Variants in RYR3 observed in about 807,000 individuals in gnomAD.
RYR3 encodes the protein brain ryanodine receptor-calcium release channel.
In RYR3, 207 loss-of-function variants were observed where a neutral mutation model predicts 584.3. That is an observed-to-expected ratio of 0.35 (90% CI 0.32 to 0.40). RYR3 has a LOEUF of 0.40. RYR3 is among the 10% of genes least tolerant of loss of function. The pLI, the probability that RYR3 is intolerant of heterozygous loss-of-function variation, is 1.00. For synonymous variants in RYR3, 2,416 were observed against 2,248.5 expected, an observed-to-expected ratio of 1.07 and a Z score of -2.11; for missense variants, 5,616 against 6,089.2, an observed-to-expected ratio of 0.92 and a Z score of 2.59.
At position 33,811,000 on chromosome 15, in the gene RYR3, G is replaced by C. The variant is rs1348932026; in HGVS notation, c.10220G>C (p.Arg3407Thr). 6.2e-7 allele frequency: 1 copy of C among 1,609,066 alleles called. No individual in the cohort carries two copies. Among genetic ancestry groups the C allele is most frequent in the Non-Finnish European group, 8.5e-7 (1 of 1,177,988 alleles). The change falls in exon 72 of 104, where the codon AGA (arginine) becomes ACA (threonine). Residue 3407 changes from arginine (R) to threonine (T), a missense_variant. Arg to Thr is a moderately conservative substitution (Grantham distance 71). This residue lies in a region of RYR3 where 954 missense variants were observed against 1,132.2 expected (regional missense o/e 0.84). Transcript: ENST00000634891. ...YSHRDTDEEV[R>T]EHLRNNLHLQ... The stretch of plus-strand genomic sequence containing the variant: ...CAGAGGGACACAGATGAAGAGGTCA[G>C]AGAACATCTGCGGAACAACTTGCAC...
At chr15:33,865,059 GAA>G in intron 103 of RYR3, 70 bp from the exon 104 acceptor site, 1 of 1,208,324 alleles carries the variant, frequency 8.3e-7, no homozygotes, top group Non-Finnish European at 1.2e-6. Context: ...GAGCCACAAA[GAA>G]CAAAAACAAA....
In RYR3 at chr15:33,855,013, G is replaced by T. The variant is rs183705714; in HGVS notation, c.14007+101G>T. 1.7e-3 allele frequency: 2,087 copies of T among 1,200,116 alleles called. 8 individuals are homozygous for T. The highest frequency in any genetic ancestry group is 2.1e-3 in the Admixed American group (62 of 28,978). The allele number at this position is 1,200,116 out of a possible 1,614,324, so 74.3% of individuals were successfully genotyped here. Reference sequence around the variant, plus strand: ...TATATGACAGGAAGGAATATGTCTTGGTATATAATGTACTTTTCTTGGCCA... The same window carrying T: ...TATATGACAGGAAGGAATATGTCTTTGTATATAATGTACTTTTCTTGGCCA... On this transcript the variant is annotated intron_variant, in intron 98 of 103. Transcript: ENST00000634891.
Position 33,768,785 on chromosome 15 carries a change from C to T in RYR3, c.8755+78C>T, listed in dbSNP as rs1016570704. The T allele has an allele frequency of 3.6e-6, 5 of 1,382,302 alleles. No individual in the cohort carries two copies. In the African/African-American group the frequency reaches 7.1e-5, roughly 20 times the overall value. The allele number at this position is 1,382,302 out of a possible 1,614,324, so 85.6% of individuals were successfully genotyped here. A position where few individuals can be genotyped will look rare whatever the true frequency, so the allele number is the denominator to read the frequency against. On this transcript the variant is annotated intron_variant, in intron 61 of 103. Coordinates refer to ENST00000634891, the MANE Select transcript of RYR3 (RefSeq NM_001036.6). ...TGCACTTTGCCTTTATTTGTGTCTT[C>T]CTCAGACAACCCGGGCCTTGGGACT...
chr15:33,510,200 T>TTTAGA (rs2052854152), intron 3 of RYR3, among the ~76,000 whole-genome samples: 1 of 152,108 alleles, frequency 6.6e-6, no homozygotes, highest in African/African-American at 2.4e-5. Flanking sequence ...TGTTTGGAGG[T>TTTAGA]TTAGATTTGG....
At chr15:33,695,966 TTTTTTTTTG>T (rs1469850822) in intron 38 of RYR3, among the ~76,000 whole-genome samples, 2 of 112,852 alleles carry the variant, frequency 1.8e-5, no homozygotes. Context: ...TTTTTTTTTT[TTTTTTTTTG>T]GTAGCAACAG....
chr15:33,750,151 TACTG>T lies in RYR3; in HGVS notation c.8276-9_8276-6del. 3 of 1,609,330 alleles carry T rather than the reference TACTG, an allele frequency of 1.9e-6. No individual in the cohort carries two copies. The highest frequency in any genetic ancestry group is 2.5e-6 in the Non-Finnish European group (3 of 1,177,886). On this transcript the variant is annotated splice_region_variant and splice_polypyrimidine_tract_variant and intron_variant, in intron 56 of 103. Coordinates refer to ENST00000634891, the MANE Select transcript of RYR3 (RefSeq NM_001036.6). ...AAGAGCCAAATGTCATCTCTCACCT[TACTG>T]ACCCCAGGTGGTGGCAGCCACCCTC...
chr15:33,336,161 G>A (rs770035858), intron 1 of RYR3, among the ~76,000 whole-genome samples: 1 of 152,066 alleles, frequency 6.6e-6, no homozygotes, highest in African/African-American at 2.4e-5. Flanking sequence ...TCAGCAAAAA[G>A]CACCATGAGC....
chr15:33,796,722 C>G (rs1169977715), intron 67 of RYR3, among the ~76,000 whole-genome samples: 1 of 152,200 alleles, frequency 6.6e-6, no homozygotes, highest in Non-Finnish European at 1.5e-5. Context: ...AATAGACCTA[C>G]TATTCAATCC....
At chr15:33,851,272 G>C (rs999116799) in intron 94 of RYR3, 12 of 152,108 alleles carry the variant, frequency 7.9e-5, no homozygotes, top group African/African-American at 2.9e-4. Context: ...GAAATTTGCT[G>C]AATAGTAGGA....
rs368216297 is a variant in RYR3, at chr15:33,336,539, AGGG to A, written c.51+25444_51+25446del. 1.8e-3 allele frequency among the ~76,000 whole-genome samples: 118 copies of A among 64,980 alleles called. 4 individuals are homozygous for A. Among genetic ancestry groups the A allele is most frequent in the Admixed American group, 2.3e-3 (16 of 6,830 alleles). The allele number at this position is 64,980 out of a possible 152,430, so 42.6% of individuals were successfully genotyped here. ...GAGGGAAGGAGGGAAGGAGGGAAGGAGGGAAGGAGGGAAGGAAGGAAGAAAAAA... is the reference window on the plus strand; with the variant it reads ...GAGGGAAGGAGGGAAGGAGGGAAGGAAAGGAGGGAAGGAAGGAAGAAAAAA... On this transcript the variant is annotated intron_variant, in intron 1 of 103. Coordinates refer to ENST00000634891, the MANE Select transcript of RYR3 (RefSeq NM_001036.6).
intron 43 of RYR3, among the ~76,000 whole-genome samples, chr15:33,718,180 AAT>A (rs2152803160): frequency 6.6e-6 from 1 of 152,148 alleles, no homozygotes; most frequent in South Asian, 2.1e-4. Context: ...CTTGATTGGG[AAT>A]ATGTTTCTTT....
chr15:33,354,954 C>T (rs1236262222), intron 1 of RYR3, among the ~76,000 whole-genome samples: 9 of 152,050 alleles, frequency 5.9e-5, no homozygotes, highest in East Asian at 5.8e-4. Context: ...GAGGCCGAGG[C>T]GGGCAGATCA....
chr15:33,697,937 G>A lies in RYR3; in HGVS notation c.6190G>A (p.Gly2064Ser). The change falls in exon 40 of 104, where the codon GGC becomes AGC. Residue 2064 changes from glycine (G) to serine (S), a missense_variant. Around this residue, in one of 9 missense-constraint regions of RYR3, gnomAD observed 1,280 missense variants for 1,426.2 expected, o/e 0.90. Coordinates refer to ENST00000634891, the MANE Select transcript of RYR3 (RefSeq NM_001036.6). ...YQHPNLMRVL[G>S]MHETVMEVMV... is the part of the protein sequence containing the mutation. Reference sequence around the variant, plus strand: ...GCATCCCAACCTCATGAGAGTCCTGGGCATGCACGAGACGGTGATGGAGGT... The same window carrying A: ...GCATCCCAACCTCATGAGAGTCCTGAGCATGCACGAGACGGTGATGGAGGT... 6.2e-7 allele frequency: 1 copy of A among 1,613,952 alleles called. No homozygotes were observed. The highest frequency in any genetic ancestry group is 8.5e-7 in the Non-Finnish European group (1 of 1,179,852).
At chr15:33,328,937 C>G (rs1234458811) in intron 1 of RYR3, among the ~76,000 whole-genome samples, 1 of 152,014 alleles carries the variant, frequency 6.6e-6, no homozygotes, top group Non-Finnish European at 1.5e-5. Flanking sequence ...TCTTGCTTTC[C>G]TTTTTCAGTC....
chr15:33,466,616 T>G (rs1396041222), intron 1 of RYR3, among the ~76,000 whole-genome samples: 1 of 152,244 alleles, frequency 6.6e-6, no homozygotes, highest in African/African-American at 2.4e-5. Flanking sequence ...TCTCCTTCAA[T>G]CTGTTAACCT....
chr15:33,788,938 G>A (rs888772908), intron 67 of RYR3, among the ~76,000 whole-genome samples: 6 of 152,146 alleles, frequency 3.9e-5, no homozygotes, highest in Non-Finnish European at 8.8e-5. Flanking sequence ...TATAGAGCGG[G>A]GTAAGGGGAA....
intron 27 of RYR3, among the ~76,000 whole-genome samples, chr15:33,638,236 A>C (rs2061606711): frequency 6.6e-6 from 1 of 152,200 alleles, no homozygotes. Flanking sequence ...GCTGGTTCAG[A>C]GGCAAAGGAG....
chr15:33,854,012 T>C (rs1325300423), intron 96 of RYR3, among the ~76,000 whole-genome samples: 1 of 152,030 alleles, frequency 6.6e-6, no homozygotes, highest in Non-Finnish European at 1.5e-5. Context: ...GCCAACATAG[T>C]GAAACCCCGT....
chr15:33,841,303 C>T (rs190444448), intron 90 of RYR3, among the ~76,000 whole-genome samples: 28 of 152,326 alleles, frequency 1.8e-4, no homozygotes, highest in African/African-American at 6.5e-4. Context: ...AACTTGATAT[C>T]TGTCAATGCA....
Sources: gnomAD v4.1 joint callset for allele counts (sites outside exome capture counted in the v4.1 genomes callset) on GRCh38, gnomAD v4.1.1 for gene constraint, gnomAD v4.1.1 regional missense constraint, MANE v1.5 for transcripts, NCBI Gene and HGNC (gene_info 2026-07-23, HGNC 2026-07-21) for gene names.